CDCP1: variants seen among roughly 807,000 people sequenced by gnomAD.
The protein encoded by CDCP1 is CUB domain containing protein 1, also known as CUB domain-containing protein 1.
In CDCP1, 29 loss-of-function variants were observed where a neutral mutation model predicts 60.2. That is an observed-to-expected ratio of 0.48 (90% CI 0.36 to 0.66). The LOEUF (loss-of-function observed/expected upper bound fraction) is 0.66, where lower values mean the gene tolerates loss of function less well. CDCP1 is among the 30% of genes least tolerant of loss of function. CDCP1 has a pLI of 0.00. For missense variants in CDCP1, 876 were observed against 1,074.3 expected (o/e 0.82, Z 2.58); for synonymous variants, 387 against 431.1 (o/e 0.90, Z 1.27).
intron 4 of CDCP1, among the ~76,000 whole-genome samples, chr3:45,106,497 C>T (rs557372772): frequency 2.0e-5 from 3 of 152,268 alleles, no homozygotes; most frequent in East Asian, 1.9e-4. Context: ...GCTCTTGAGC[C>T]ACTTTGGAAA....
At chr3:45,125,274 A>G (rs1698958790) in intron 1 of CDCP1, among the ~76,000 whole-genome samples, 2 of 152,150 alleles carry the variant, frequency 1.3e-5, no homozygotes, top group South Asian at 4.1e-4. Flanking sequence ...GAAGTGGGAA[A>G]GGGCTTGGTT....
chr3:45,091,062 G>T lies in CDCP1; in HGVS notation c.1993+111C>A. The T allele has an allele frequency of 1.7e-6, 2 of 1,187,322 alleles. No homozygotes were observed. The highest frequency in any genetic ancestry group is 2.4e-6 in the Non-Finnish European group (2 of 842,996). 73.5% of individuals were successfully genotyped at this position (1,187,322 alleles called of 1,614,324 possible). ...TTGATGCAATAGCTGACTGATACAT[G>T]GACAGTCAGGACTCAATCTGTGATT... is the stretch of plus-strand genomic sequence containing the variant. On this transcript the variant is annotated intron_variant, in intron 7 of 8. Transcript: ENST00000296129. The surrounding 1 kb of genome is among the most constrained non-coding windows in gnomAD (Gnocchi z 4.8).
chr3:45,134,451 G>A (rs568368130), intron 1 of CDCP1, among the ~76,000 whole-genome samples: 1 of 152,298 alleles, frequency 6.6e-6, no homozygotes, highest in Admixed American at 6.5e-5. Flanking sequence ...TAACTGCAAA[G>A]CCCCAACCTC....
chr3:45,134,611 C>T (rs920434691), intron 1 of CDCP1, among the ~76,000 whole-genome samples: 2 of 152,076 alleles, frequency 1.3e-5, no homozygotes, highest in Non-Finnish European at 2.9e-5. Flanking sequence ...TTGTTGTGTC[C>T]AGCAATCTTA....
intron 2 of CDCP1, among the ~76,000 whole-genome samples, chr3:45,114,365 G>C (rs1698748695): frequency 6.6e-6 from 1 of 151,388 alleles, no homozygotes; most frequent in Admixed American, 6.6e-5. Context: ...TTTCTGAAGT[G>C]ATTCATAAAC....
intron 2 of CDCP1, among the ~76,000 whole-genome samples, chr3:45,116,472 C>T (rs1307760474): frequency 6.6e-6 from 1 of 151,502 alleles, no homozygotes; most frequent in East Asian, 1.9e-4. Context: ...GTTTTTTCCT[C>T]TCTAACCTAA....
chr3:45,098,037 A>C (rs1388214032), intron 4 of CDCP1, among the ~76,000 whole-genome samples: 4 of 151,948 alleles, frequency 2.6e-5, no homozygotes, highest in South Asian at 2.1e-4. Context: ...CCCACCCCAA[A>C]GCCGTGTTAG....
chr3:45,092,858 C>T (rs1698320512), intron 6 of CDCP1, among the ~76,000 whole-genome samples: 2 of 152,186 alleles, frequency 1.3e-5, no homozygotes, highest in Admixed American at 1.3e-4. Context: ...CAACGCTCCT[C>T]CCTCTGTGCT....
intron 6 of CDCP1, among the ~76,000 whole-genome samples, chr3:45,092,093 C>T (rs559123516): frequency 6.6e-6 from 1 of 152,222 alleles, no homozygotes; most frequent in Non-Finnish European, 1.5e-5. Context: ...CTGTGCCCAG[C>T]CTCATATTAA....
intron 1 of CDCP1, among the ~76,000 whole-genome samples, chr3:45,137,785 A>G (rs1373928589): frequency 6.9e-6 from 1 of 144,088 alleles, no homozygotes; most frequent in Non-Finnish European, 1.5e-5. Flanking sequence ...ATGCCACTGC[A>G]CTCCAGCCTG....
At chr3:45,142,898 C>CA (rs1170175200) in intron 1 of CDCP1, among the ~76,000 whole-genome samples, 1 of 152,182 alleles carries the variant, frequency 6.6e-6, no homozygotes, top group Non-Finnish European at 1.5e-5. Context: ...TGTAGCTGGA[C>CA]AAAATAGTTA....
chr3:45,100,806 C>T (rs1423625486), intron 4 of CDCP1, among the ~76,000 whole-genome samples: 1 of 152,126 alleles, frequency 6.6e-6, no homozygotes, highest in Non-Finnish European at 1.5e-5. Context: ...TCATCTTTCC[C>T]ACCAGAATGT....
intron 2 of CDCP1, among the ~76,000 whole-genome samples, chr3:45,113,503 T>C (rs749939925): frequency 6.6e-6 from 1 of 152,198 alleles, no homozygotes; most frequent in Non-Finnish European, 1.5e-5. Context: ...CTGGCCTCCA[T>C]AATAATAATT....
In CDCP1 at chr3:45,118,453, C is replaced by G. The variant is rs1400245740; in HGVS notation, c.251G>C (p.Ser84Thr). 6 of 1,614,016 alleles carry G rather than the reference C, an allele frequency of 3.7e-6. No individual in the cohort carries two copies. In the Admixed American group the frequency reaches 1.0e-4, roughly 27 times the overall value. ...ERIVFTFSCQ[S>T]PENHFVIEIQ... ...CTCTATGACAAAGTGATTCTCAGGA[C>G]TCTGGCAGCTAAAGGTAAAGACTAT... The change falls in exon 2 of 9, where the codon AGT (serine) becomes ACT (threonine). Residue 84 changes from serine to threonine, a missense_variant. By Grantham distance (58) the Ser-to-Thr change is moderately conservative. Around this residue, in one of 2 missense-constraint regions of CDCP1, gnomAD observed 150 missense variants for 138.6 expected, o/e 1.08. Coordinates refer to ENST00000296129, the MANE Select transcript of CDCP1 (RefSeq NM_022842.5).
chr3:45,123,252 T>C (rs1698916974), intron 1 of CDCP1, among the ~76,000 whole-genome samples: 1 of 152,210 alleles, frequency 6.6e-6, no homozygotes, highest in Non-Finnish European at 1.5e-5. Flanking sequence ...CGTCTTAATA[T>C]GTTTCTTTGC....
rs1438783140 is a variant in CDCP1, at chr3:45,084,118, G to A, written c.*1520C>T. 4.6e-5 allele frequency: 7 copies of A among 152,040 alleles called. No individual in the cohort carries two copies. The highest frequency in any genetic ancestry group is 1.7e-4 in the African/African-American group (7 of 41,384). 9.4% of individuals were successfully genotyped at this position (152,040 alleles called of 1,614,324 possible). A position where few individuals can be genotyped will look rare whatever the true frequency, so the allele number is the denominator to read the frequency against. On this transcript the variant is annotated 3_prime_UTR_variant, in exon 9 of 9. Coordinates refer to ENST00000296129, the MANE Select transcript of CDCP1 (RefSeq NM_022842.5). The stretch of plus-strand genomic sequence containing the variant: ...GATAGGGCGTAGTGTGGGCTGTGGT[G>A]ACCTGGTGAAGTGGACACCCCTTCT...
chr3:45,107,785 A>G (rs1698593012), intron 4 of CDCP1, among the ~76,000 whole-genome samples: 1 of 152,154 alleles, frequency 6.6e-6, no homozygotes, highest in Non-Finnish European at 1.5e-5. Flanking sequence ...GCTGCCAGCA[A>G]TACAAGCTGC....
intron 1 of CDCP1, among the ~76,000 whole-genome samples, chr3:45,124,005 T>C (rs1314687219): frequency 6.6e-6 from 1 of 152,098 alleles, no homozygotes; most frequent in East Asian, 1.9e-4. Flanking sequence ...TTTCTTCAGC[T>C]CTCCTGCCTC....
rs774679120 is a variant in CDCP1, at chr3:45,118,553, G to C, written c.151C>G (p.Leu51Val). The C allele has an allele frequency of 1.2e-6, 2 of 1,614,168 alleles. No homozygotes were observed. Among genetic ancestry groups the C allele is most frequent in the Admixed American group, 3.3e-5 (2 of 60,020 alleles). ...TVLIKLGTPT[L>V]LAKPCYIVIS... ...ACGATGTAACAGGGTTTTGCCAGCA[G>C]AGTCGGGGTCCCCAGCTTTATGAGA... The change falls in exon 2 of 9, where the codon CTG becomes GTG. Residue 51 changes from leucine to valine, a missense_variant. This residue lies in a region of CDCP1 where 150 missense variants were observed against 138.6 expected (regional missense o/e 1.08). Transcript: ENST00000296129.
Sources: gnomAD v4.1 joint callset for allele counts (sites outside exome capture counted in the v4.1 genomes callset) on GRCh38, gnomAD v4.1.1 for gene constraint, gnomAD v4.1.1 regional missense constraint, Gnocchi (gnomAD v3.1) non-coding constraint, MANE v1.5 for transcripts, NCBI Gene and HGNC (gene_info 2026-07-23, HGNC 2026-07-21) for gene names.